Variants in PACRG observed in about 807,000 individuals in gnomAD.
PACRG encodes parkin coregulated gene protein.
A neutral mutation model predicts 29.7 loss-of-function variants in PACRG; 29 were observed. That is an observed-to-expected ratio of 0.98 (90% CI 0.73 to 1.33). PACRG has a LOEUF of 1.33. Ranked by LOEUF, PACRG falls within the 40% of genes most tolerant of loss-of-function variation. The pLI, the probability that PACRG is intolerant of heterozygous loss-of-function variation, is 0.00. For synonymous variants in PACRG, 116 were observed against 118.7 expected (o/e 0.98, Z 0.15); for missense variants, 279 against 316.2 (o/e 0.88, Z 0.89).
chr6:163,193,979 A>G (rs1294394353), intron 4 of PACRG, among the ~76,000 whole-genome samples: 1 of 142,732 alleles, frequency 7.0e-6, no homozygotes, highest in Non-Finnish European at 1.5e-5. Flanking sequence ...TGCAACCTCC[A>G]CCTCCTGGGT....
chr6:163,186,201 C>G (rs1411229316), intron 4 of PACRG, among the ~76,000 whole-genome samples: 1 of 152,190 alleles, frequency 6.6e-6, no homozygotes, highest in Non-Finnish European at 1.5e-5. Flanking sequence ...TCAGATTTCC[C>G]CCTTCCCCCA....
intron 2 of PACRG, among the ~76,000 whole-genome samples, chr6:162,860,439 G>C (rs1306110755): frequency 1.3e-5 from 2 of 152,206 alleles, no homozygotes; most frequent in African/African-American, 4.8e-5. Flanking sequence ...AGCAGAACAT[G>C]CCAACTTGGT....
chr6:162,858,660 T>G (rs1171663751), intron 2 of PACRG, among the ~76,000 whole-genome samples: 2 of 152,182 alleles, frequency 1.3e-5, no homozygotes, highest in Non-Finnish European at 2.9e-5. Flanking sequence ...TGTACTTTTA[T>G]GGACAGGCAT....
At chr6:162,905,966 G>A (rs1218069415) in intron 2 of PACRG, among the ~76,000 whole-genome samples, 4 of 152,118 alleles carry the variant, frequency 2.6e-5, no homozygotes, top group Non-Finnish European at 4.4e-5. Context: ...TGCAGCATGG[G>A]AGCCATTTTG....
At chr6:162,889,399 GTGTTTTAC>G (rs1794598464) in intron 2 of PACRG, among the ~76,000 whole-genome samples, 3 of 152,258 alleles carry the variant, frequency 2.0e-5, no homozygotes, top group Admixed American at 6.5e-5. Context: ...AAAAATAGAA[GTGTTTTAC>G]TTCAAACTAT....
intron 4 of PACRG, among the ~76,000 whole-genome samples, chr6:163,313,204 A>G (rs1785505434): frequency 6.6e-6 from 1 of 152,104 alleles, no homozygotes; most frequent in Admixed American, 6.6e-5. Flanking sequence ...AAACACATGT[A>G]CTATGAGGAA....
intron 2 of PACRG, among the ~76,000 whole-genome samples, chr6:162,955,904 CGTGTA>C (rs1799986216): frequency 6.6e-6 from 1 of 152,108 alleles, no homozygotes. Context: ...CAGCCTTGTA[CGTGTA>C]CACATGCCTG....
chr6:163,045,485 C>T (rs1199479583), intron 2 of PACRG, among the ~76,000 whole-genome samples: 11 of 151,878 alleles, frequency 7.2e-5, no homozygotes, highest in South Asian at 2.1e-4. Flanking sequence ...TCAACACGCC[C>T]GGCTAATTTT....
chr6:163,244,417 A>C (rs1233291317), intron 4 of PACRG, among the ~76,000 whole-genome samples: 1 of 152,146 alleles, frequency 6.6e-6, no homozygotes, highest in East Asian at 1.9e-4. Flanking sequence ...CATTTTAGAC[A>C]CTGAAAATAC....
At chr6:162,996,105 A>C (rs1804016496) in intron 2 of PACRG, among the ~76,000 whole-genome samples, 1 of 152,160 alleles carries the variant, frequency 6.6e-6, no homozygotes, top group Non-Finnish European at 1.5e-5. Context: ...TTGCTAAGAG[A>C]ATAAATTAAA....
rs368691202 is a variant in PACRG at position 162,947,627 on chromosome 6, T to TC, written c.292-114523_292-114522insC. 1.8e-3 allele frequency among the ~76,000 whole-genome samples: 108 copies of TC among 61,064 alleles called. 1 individual carries two copies. The highest frequency in any genetic ancestry group is 3.1e-3 in the African/African-American group (48 of 15,462). 40.1% of individuals were successfully genotyped at this position (61,064 alleles called of 152,430 possible). ...ATATATAATCATATATATATATATA[T>TC]ATATATATATATATATATATACACC... is the stretch of plus-strand genomic sequence containing the variant. On this transcript the variant is annotated intron_variant, in intron 2 of 4. Transcript: ENST00000366888.
chr6:162,941,189 G>A (rs913906490), intron 2 of PACRG, among the ~76,000 whole-genome samples: 128 of 152,158 alleles, frequency 8.4e-4, no homozygotes, highest in African/African-American at 2.9e-3. Context: ...CTCATCCCAC[G>A]GACTGTGAGA....
intron 2 of PACRG, among the ~76,000 whole-genome samples, chr6:163,020,727 T>C (rs1806532318): frequency 6.6e-6 from 1 of 152,136 alleles, no homozygotes; most frequent in Non-Finnish European, 1.5e-5. Flanking sequence ...TTCTATGTGT[T>C]TCATTCTGAA....
chr6:163,137,096 A>G (rs1816966874), intron 4 of PACRG, among the ~76,000 whole-genome samples: 1 of 152,224 alleles, frequency 6.6e-6, no homozygotes, highest in Admixed American at 6.5e-5. Context: ...CTTTGCAACT[A>G]GCAGTATTTT....
At chr6:163,097,332 T>G (rs1382837927) in intron 4 of PACRG, among the ~76,000 whole-genome samples, 1 of 152,206 alleles carries the variant, frequency 6.6e-6, no homozygotes, top group Non-Finnish European at 1.5e-5. Context: ...GATACAGAGT[T>G]GCAGATAGGT....
intron 2 of PACRG, among the ~76,000 whole-genome samples, chr6:163,005,109 C>A (rs1047113249): frequency 6.6e-6 from 1 of 151,930 alleles, no homozygotes; most frequent in Non-Finnish European, 1.5e-5. Flanking sequence ...TTAATAACTT[C>A]TCTTATTATA....
At chr6:163,121,924 A>G (rs1204271152) in intron 4 of PACRG, among the ~76,000 whole-genome samples, 3 of 151,666 alleles carry the variant, frequency 2.0e-5, no homozygotes, top group Non-Finnish European at 4.4e-5. Flanking sequence ...GGCCTCCCAA[A>G]GTGCTGGGAT....
intron 2 of PACRG, among the ~76,000 whole-genome samples, chr6:163,011,253 A>G (rs1294415688): frequency 3.3e-5 from 5 of 152,192 alleles, no homozygotes; most frequent in Admixed American, 6.5e-5. Flanking sequence ...GTCACTGTGC[A>G]GGTAGTGCAC....
At chr6:162,787,580 G>GTATCTATATA (rs746185048) in intron 1 of PACRG, among the ~76,000 whole-genome samples, 1,213 of 68,962 alleles carry the variant, frequency 0.018, 65 homozygotes, top group Admixed American at 0.032. Flanking sequence ...GTGTGTGTGT[G>GTATCTATATA]TGTATATATA....
Sources: gnomAD v4.1 joint callset for allele counts (sites outside exome capture counted in the v4.1 genomes callset) on GRCh38, gnomAD v4.1.1 for gene constraint, MANE v1.5 for transcripts, NCBI Gene and HGNC (gene_info 2026-07-23, HGNC 2026-07-21) for gene names.